Variants in ITGA7 observed in about 807,000 individuals in gnomAD.
ITGA7 encodes integrin alpha-7.
Under a neutral mutation model 131.6 loss-of-function variants are expected in ITGA7, and 84 were observed. The ratio of observed to expected loss-of-function variants is 0.64; its 90% CI spans 0.54 to 0.77. ITGA7 has a LOEUF of 0.77. Ranked by LOEUF, ITGA7 falls within the 30% of genes least tolerant of loss-of-function variation. The pLI is 0.00. For synonymous variants in ITGA7, 548 were observed against 600.7 expected, an observed-to-expected ratio of 0.91 and a Z score of 1.28; for missense variants, 1,399 against 1,482.9, an observed-to-expected ratio of 0.94 and a Z score of 0.93.
At position 55,694,775 on chromosome 12, in the gene ITGA7, C is replaced by CACCTGG; in HGVS notation, c.2196+2_2196+3insCCAGGT. The stretch of plus-strand genomic sequence containing the variant: ...CCACCCCATCCTGCCCCCAGGTCCT[C>CACCTGG]ACCGCAGGGTCCAGGGCCCGGACCC... On this transcript the variant is annotated splice_region_variant and intron_variant, in intron 15 of 24. Coordinates refer to ENST00000257879, the MANE Select transcript of ITGA7 (RefSeq NM_002206.3). This position sits in a 1 kb window ranked among gnomAD's most constrained non-coding sequence, Gnocchi z 5.3. 6.2e-7 allele frequency: 1 copy of CACCTGG among 1,614,104 alleles called. No homozygotes were observed.
At chr12:55,710,875 G>C (rs1876042414), upstream of ITGA7, among the ~76,000 whole-genome samples, 1 of 152,124 alleles carries the variant, frequency 6.6e-6, no homozygotes, top group Non-Finnish European at 1.5e-5. Flanking sequence ...GATGGAGGGG[G>C]GTGGGGACAA....
upstream of ITGA7, among the ~76,000 whole-genome samples, chr12:55,709,110 T>G (rs1190725713): frequency 6.6e-6 from 1 of 152,202 alleles, no homozygotes; most frequent in Non-Finnish European, 1.5e-5. Flanking sequence ...CTTCTCTCTC[T>G]CACTATCTGA....
At chr12:55,701,364 C>A (rs1873983679) in intron 3 of ITGA7, 1 of 1,552,668 alleles carries the variant, frequency 6.4e-7, no homozygotes. Flanking sequence ...AACCCAGCAA[C>A]CTGTCTGCAC....
intron 24 of ITGA7, chr12:55,686,347 A>C: frequency 8.1e-7 from 1 of 1,241,642 alleles, no homozygotes; most frequent in Non-Finnish European, 1.1e-6. Context: ...GGGCAGAGGA[A>C]GCAGAGGATG....
chr12:55,703,352 T>C (rs1373234950), intron 1 of ITGA7, among the ~76,000 whole-genome samples, 174 bp from the exon 2 acceptor site: 1 of 152,064 alleles, frequency 6.6e-6, no homozygotes, highest in Non-Finnish European at 1.5e-5. Context: ...TTAATATGCT[T>C]GGTCATGCAG....
At position 55,686,283 on chromosome 12, in the gene ITGA7, G is replaced by A. The variant is rs1870119859; in HGVS notation, c.3184-995C>T. 5 of 1,345,800 alleles carry A rather than the reference G, an allele frequency of 3.7e-6. No individual in the cohort carries two copies. The African/African-American group carries it at 5.9e-5, about 16-fold the overall frequency. 83.4% of individuals were successfully genotyped at this position (1,345,800 alleles called of 1,614,324 possible). A position where few individuals can be genotyped will look rare whatever the true frequency, so the allele number is the denominator to read the frequency against. On this transcript the variant is annotated intron_variant, in intron 24 of 24. Transcript: ENST00000257879. ...CCGGTGATAGTTGGTGGGAAAAGAT[G>A]AGCTCTGGCTGCTCCGATGGAAGAA...
chr12:55,694,864 C>A lies in ITGA7; in HGVS notation c.2110G>T (p.Asp704Tyr), dbSNP rs1592433547. 1 of 1,614,128 alleles carries A rather than the reference C, an allele frequency of 6.2e-7. No homozygotes were observed. Among genetic ancestry groups the A allele is most frequent in the Non-Finnish European group, 8.5e-7 (1 of 1,180,008 alleles). Residue 704 changes from aspartate (D) to tyrosine (Y), a missense_variant, in exon 15 of 25, where the codon GAT (aspartate) becomes TAT (tyrosine). By Grantham distance (160) the Asp-to-Tyr change is radical (BLOSUM62 -3). Transcript: ENST00000257879. This position sits in a 1 kb window ranked among gnomAD's most constrained non-coding sequence, Gnocchi z 5.3. Reference sequence around the variant, plus strand: ...TGGGCTTCATGGGCATCATCCCCATCAGCCTGGGGCTGGGCTGGGTCCGAT... The same window carrying A: ...TGGGCTTCATGGGCATCATCCCCATAAGCCTGGGGCTGGGCTGGGTCCGAT... ...LPSDPAQPQA[D>Y]GDDAHEAQLL...
upstream of ITGA7, among the ~76,000 whole-genome samples, chr12:55,710,136 G>A (rs113919233): frequency 0.016 from 2,388 of 152,192 alleles, 58 homozygotes; most frequent in African/African-American, 0.055. Flanking sequence ...CGAAGCAGGC[G>A]GATCACCTGA....
At chr12:55,687,917 G>A in intron 24 of ITGA7, 54 bp downstream of exon 24, 1 of 1,611,962 alleles carries the variant, frequency 6.2e-7, no homozygotes, top group South Asian at 1.1e-5. Flanking sequence ...AATACAAAAT[G>A]CTGCTCACCC....
At chr12:55,695,751 C>A in intron 13 of ITGA7, 114 bp from the exon 14 acceptor site, 3 of 744,672 alleles carry the variant, frequency 4.0e-6, no homozygotes, top group Non-Finnish European at 7.3e-6. Context: ...CTGTCCTCAA[C>A]TCTCAGATCT....
At chr12:55,700,061 C>T in intron 4 of ITGA7, 72 bp from the exon 5 acceptor site, 2 of 1,565,900 alleles carry the variant, frequency 1.3e-6, no homozygotes, top group South Asian at 2.2e-5. Flanking sequence ...GAGACAGAGC[C>T]ACAGAAAGGC....
chr12:55,700,588 C>T, intron 4 of ITGA7: 1 of 671,212 alleles, frequency 1.5e-6, no homozygotes, highest in Non-Finnish European at 2.5e-6. Context: ...CAGCCAGCAG[C>T]AGCGTGCGGA....
chr12:55,690,727 G>A (rs1419973167), intron 21 of ITGA7, among the ~76,000 whole-genome samples: 18 of 148,264 alleles, frequency 1.2e-4, no homozygotes, highest in African/African-American at 4.5e-4. Flanking sequence ...CAACCCAAAT[G>A]TCCAACAATG....
rs1440120402 is a variant in ITGA7, at chr12:55,696,972, T to G, written c.1664A>C (p.His555Pro). The G allele has an allele frequency of 1.9e-6, 3 of 1,613,950 alleles. No individual in the cohort carries two copies. The South Asian group carries it at 3.3e-5, about 18-fold the overall frequency. Reference protein sequence around the residue: ...FLSRNLEEPKHQASGTVWLKH... With the variant: ...FLSRNLEEPKPQASGTVWLKH... ...CAGCCACACGGTGCCCGAGGCCTGGTGCTTGGGTTCTTCCAGGTTACGGCT... is the reference window on the plus strand; with the variant it reads ...CAGCCACACGGTGCCCGAGGCCTGGGGCTTGGGTTCTTCCAGGTTACGGCT... Residue 555 changes from histidine (H) to proline (P), a missense_variant, in exon 12 of 25, where the codon CAC becomes CCC. Coordinates refer to ENST00000257879, the MANE Select transcript of ITGA7 (RefSeq NM_002206.3).
At chr12:55,699,547 A>T in intron 5 of ITGA7, 1 of 420,798 alleles carries the variant, frequency 2.4e-6, no homozygotes, top group Non-Finnish European at 4.4e-6. Context: ...TGTGCCCACC[A>T]TCCATCCCCT....
chr12:55,715,273 A>G (rs1035003302), upstream of ITGA7, among the ~76,000 whole-genome samples: 1 of 152,198 alleles, frequency 6.6e-6, no homozygotes, highest in African/African-American at 2.4e-5. Context: ...TAGTTTTACT[A>G]AAGAGAAAAC....
Position 55,698,898 on chromosome 12 carries a change from C to G in ITGA7, c.810G>C (p.Gly270=). 6.2e-7 allele frequency: 1 copy of G among 1,612,656 alleles called. No homozygotes were observed. The highest frequency in any genetic ancestry group is 8.5e-7 in the Non-Finnish European group (1 of 1,179,372). The change falls in exon 6 of 25, where the codon GGG becomes GGC. Residue 270 remains glycine (G), a synonymous_variant. Coordinates refer to ENST00000257879, the MANE Select transcript of ITGA7 (RefSeq NM_002206.3). ...GCTCTTCTGCACGCACCAGACCTTT[C>G]CCCGAGTCAATAGAGAAGCCTGGGG... The part of the protein sequence containing the change: ...NSYLGFSIDS[G]KGLVRAEELS...
chr12:55,706,262 C>T (rs1345070032), intron 1 of ITGA7, among the ~76,000 whole-genome samples: 1 of 152,112 alleles, frequency 6.6e-6, no homozygotes, highest in Non-Finnish European at 1.5e-5. Flanking sequence ...AGATGGTAAA[C>T]AGAAGAGGAG....
intron 13 of ITGA7, among the ~76,000 whole-genome samples, 200 bp downstream of exon 13, chr12:55,696,083 C>G (rs1872568601): frequency 6.6e-6 from 1 of 152,212 alleles, no homozygotes; most frequent in African/African-American, 2.4e-5. Flanking sequence ...ACCTGAGCCC[C>G]CTGAATGACT....
Sources: allele counts gnomAD v4.1 joint callset (sites outside exome capture counted in the v4.1 genomes callset), GRCh38; gene constraint gnomAD v4.1.1; non-coding constraint Gnocchi (gnomAD v3.1); transcripts MANE v1.5; gene names NCBI Gene and HGNC (gene_info 2026-07-23, HGNC 2026-07-21).